The following PLCB1 variants were observed in gnomAD, a reference collection of about 807,000 sequenced individuals.
PLCB1 encodes the protein phospholipase C beta 1.
A neutral mutation model predicts 161.8 loss-of-function variants in PLCB1; 46 were observed. The observed-to-expected ratio is 0.28, with a 90% CI of 0.22 to 0.36. The LOEUF (loss-of-function observed/expected upper bound fraction) is 0.36. PLCB1 is among the 10% of genes least tolerant of loss of function. The pLI is 1.00. For missense variants in PLCB1, 1,016 were observed against 1,472.5 expected (o/e 0.69, Z 5.07); for synonymous variants, 517 against 503.7 (o/e 1.03, Z -0.35).
chr20:8,255,193 G>A (rs1339264114), intron 2 of PLCB1, among the ~76,000 whole-genome samples: 1 of 151,978 alleles, frequency 6.6e-6, no homozygotes, highest in Non-Finnish European at 1.5e-5. Context: ...TCAGTTTATT[G>A]GTTGGACATC....
chr20:8,802,111 C>T, intron 31 of PLCB1: 2 of 1,607,214 alleles, frequency 1.2e-6, no homozygotes, highest in Non-Finnish European at 8.5e-7. Flanking sequence ...CCCTCTGTTT[C>T]CCCCAACTTT....
intron 3 of PLCB1, among the ~76,000 whole-genome samples, chr20:8,579,122 A>G (rs1986759802): frequency 6.6e-6 from 1 of 152,224 alleles, no homozygotes; most frequent in Admixed American, 6.5e-5. Flanking sequence ...CCCTGGATCC[A>G]TGCCCTTAGA....
intron 2 of PLCB1, among the ~76,000 whole-genome samples, chr20:8,365,173 T>A (rs904935277): frequency 6.6e-6 from 1 of 152,206 alleles, no homozygotes; most frequent in African/African-American, 2.4e-5. Flanking sequence ...TCTGCACCTG[T>A]GTTTGACAGA....
intron 10 of PLCB1, among the ~76,000 whole-genome samples, chr20:8,694,621 T>C (rs920272292): frequency 5.3e-5 from 8 of 152,262 alleles, no homozygotes; most frequent in African/African-American, 1.9e-4. Flanking sequence ...CAGAATGCTC[T>C]AGTGTCTGTT....
At chr20:8,255,342 C>G (rs1437721096) in intron 2 of PLCB1, among the ~76,000 whole-genome samples, 1 of 151,994 alleles carries the variant, frequency 6.6e-6, no homozygotes, top group East Asian at 1.9e-4. Flanking sequence ...CAGATACAAA[C>G]ACTGGATGGA....
At chr20:8,509,775 T>TAGATA (rs1555812832) in intron 3 of PLCB1, among the ~76,000 whole-genome samples, 56 of 135,114 alleles carry the variant, frequency 4.1e-4, no homozygotes, top group African/African-American at 1.4e-3. Flanking sequence ...GATAGATAGA[T>TAGATA]AGATAGATAG....
At chr20:8,212,759 A>G (rs2123146970) in intron 2 of PLCB1, among the ~76,000 whole-genome samples, 1 of 152,248 alleles carries the variant, frequency 6.6e-6, no homozygotes, top group South Asian at 2.1e-4. Flanking sequence ...AAGGACATTT[A>G]GAGCACTTTG....
chr20:8,461,136 A>G (rs886155867), intron 3 of PLCB1, among the ~76,000 whole-genome samples: 1 of 152,188 alleles, frequency 6.6e-6, no homozygotes, highest in African/African-American at 2.4e-5. Flanking sequence ...TAAAGTCTTT[A>G]TAGCTCCTTG....
chr20:8,491,711 A>G (rs1982954717), intron 3 of PLCB1, among the ~76,000 whole-genome samples: 1 of 152,038 alleles, frequency 6.6e-6, no homozygotes, highest in Non-Finnish European at 1.5e-5. Flanking sequence ...GTGAACTCAA[A>G]TTGCCTTAAT....
intron 3 of PLCB1, among the ~76,000 whole-genome samples, chr20:8,395,013 T>C (rs1987723499): frequency 6.6e-6 from 1 of 152,170 alleles, no homozygotes; most frequent in Admixed American, 6.5e-5. Flanking sequence ...AATTTTTCTT[T>C]CTATGAATGT....
intron 12 of PLCB1, among the ~76,000 whole-genome samples, chr20:8,713,605 C>G (rs996365237): frequency 1.3e-5 from 2 of 152,192 alleles, no homozygotes; most frequent in East Asian, 3.8e-4. Context: ...TCCTGTACCC[C>G]ACCCTGGACT....
chr20:8,225,617 C>CT (rs1160396862), intron 2 of PLCB1, among the ~76,000 whole-genome samples: 1 of 152,200 alleles, frequency 6.6e-6, no homozygotes, highest in East Asian at 1.9e-4. Flanking sequence ...ATAGAGTCTA[C>CT]TTTCTGCTAT....
chr20:8,541,572 GAAAGA>G (rs1219199698), intron 3 of PLCB1, among the ~76,000 whole-genome samples: 1 of 147,900 alleles, frequency 6.8e-6, no homozygotes, highest in Non-Finnish European at 1.5e-5. Flanking sequence ...GAGAAAGAAA[GAAAGA>G]AAGAAAGAAA....
chr20:8,605,424 A>T (rs913415612), intron 3 of PLCB1, among the ~76,000 whole-genome samples: 3 of 151,856 alleles, frequency 2.0e-5, no homozygotes, highest in African/African-American at 7.3e-5. Context: ...TTAATACTTC[A>T]TTTTTCTTTA....
chr20:8,631,824 C>A (rs2223838), intron 4 of PLCB1, among the ~76,000 whole-genome samples: 31,563 of 152,062 alleles, frequency 0.21, 3,507 homozygotes, highest in Admixed American at 0.31. Flanking sequence ...AAAAGAAAAT[C>A]TTTTGGATGT....
chr20:8,839,166 T>C (rs1986401826), intron 31 of PLCB1, among the ~76,000 whole-genome samples: 1 of 152,166 alleles, frequency 6.6e-6, no homozygotes, highest in Admixed American at 6.5e-5. Flanking sequence ...AGGAGATATA[T>C]CTGACAAAGT....
intron 1 of PLCB1, among the ~76,000 whole-genome samples, chr20:8,149,022 A>T (rs577722183): frequency 6.6e-6 from 1 of 152,338 alleles, no homozygotes; most frequent in South Asian, 2.1e-4. Context: ...AGCAAGGTGA[A>T]TGCATGTAAT....
At chr20:8,832,582 G>A (rs1452648749) in intron 31 of PLCB1, among the ~76,000 whole-genome samples, 2 of 152,182 alleles carry the variant, frequency 1.3e-5, no homozygotes, top group Non-Finnish European at 2.9e-5. Context: ...GAAGTGCAAT[G>A]TATTGCCTTT....
At chr20:8,169,954 A>G (rs1179117660) in intron 2 of PLCB1, among the ~76,000 whole-genome samples, 5 of 152,118 alleles carry the variant, frequency 3.3e-5, no homozygotes, top group Admixed American at 2.6e-4. Context: ...GCCATGTTTG[A>G]TTTCTTTTTG....
Sources: gnomAD v4.1 joint callset for allele counts (sites outside exome capture counted in the v4.1 genomes callset) on GRCh38, gnomAD v4.1.1 for gene constraint, MANE v1.5 for transcripts, NCBI Gene and HGNC (gene_info 2026-07-23, HGNC 2026-07-21) for gene names.